SLC24A2: variants seen among roughly 807,000 people sequenced by gnomAD.
SLC24A2 encodes sodium/potassium/calcium exchanger 2.
In SLC24A2, 36 loss-of-function variants were observed where a neutral mutation model predicts 62.0. That is an observed-to-expected ratio of 0.58 (90% CI 0.44 to 0.77). The LOEUF (loss-of-function observed/expected upper bound fraction) is 0.77, where lower values mean the gene tolerates loss of function less well. Ranked by LOEUF, SLC24A2 falls within the 30% of genes least tolerant of loss-of-function variation. The pLI is 0.00. For synonymous variants in SLC24A2, 358 were observed against 294.0 expected (o/e 1.22, Z -2.23); for missense variants, 846 against 817.9 (o/e 1.03, Z -0.42).
the SLC24A2 span, among the ~76,000 whole-genome samples, chr9:20,042,289 G>A: frequency 6.6e-6 from 1 of 152,196 alleles, no homozygotes; most frequent in African/African-American, 2.4e-5. Flanking sequence ...TTCACTTAAA[G>A]ATACAGTCAC....
chr9:20,227,457 T>C, the SLC24A2 span, among the ~76,000 whole-genome samples: 15 of 148,544 alleles, frequency 1.0e-4, no homozygotes, highest in East Asian at 2.8e-3. Flanking sequence ...GAAGGTCTCA[T>C]GGAGAACTAA....
the SLC24A2 span, among the ~76,000 whole-genome samples, chr9:20,053,854 C>A: frequency 6.6e-6 from 1 of 152,176 alleles, no homozygotes; most frequent in African/African-American, 2.4e-5. Context: ...AATGGCTGCC[C>A]AAACATACCA....
the SLC24A2 span, among the ~76,000 whole-genome samples, chr9:20,289,513 T>C: frequency 6.6e-6 from 1 of 152,176 alleles, no homozygotes; most frequent in Non-Finnish European, 1.5e-5. Context: ...GATAAGTCAT[T>C]AACCTCTCTG....
the SLC24A2 span, among the ~76,000 whole-genome samples, chr9:20,097,631 C>T: frequency 2.6e-5 from 4 of 151,510 alleles, no homozygotes; most frequent in African/African-American, 7.3e-5. Context: ...TCTGATTCTC[C>T]CTTTAAGGTC....
chr9:19,699,475 T>G (rs1820293073), intron 2 of SLC24A2, among the ~76,000 whole-genome samples: 1 of 152,176 alleles, frequency 6.6e-6, no homozygotes, highest in Admixed American at 6.5e-5. Context: ...TGAATAATGT[T>G]TCACTAAATT....
chr9:19,806,252 C>T, the SLC24A2 span, among the ~76,000 whole-genome samples: 2 of 152,076 alleles, frequency 1.3e-5, no homozygotes, highest in African/African-American at 2.4e-5. Flanking sequence ...GATCAGGCAT[C>T]GGGAGCTTAG....
chr9:20,099,819 G>A, the SLC24A2 span, among the ~76,000 whole-genome samples: 1 of 152,074 alleles, frequency 6.6e-6, no homozygotes, highest in Middle Eastern at 3.4e-3. Flanking sequence ...CCTTGGTAAT[G>A]GTAGAATGTC....
the SLC24A2 span, among the ~76,000 whole-genome samples, chr9:19,864,076 A>G: frequency 6.6e-6 from 1 of 152,060 alleles, no homozygotes; most frequent in African/African-American, 2.4e-5. Context: ...AAACTGGAAA[A>G]TCTAGAAAAA....
At chr9:19,948,852 A>C in the SLC24A2 span, among the ~76,000 whole-genome samples, 1 of 149,870 alleles carries the variant, frequency 6.7e-6, no homozygotes, top group African/African-American at 2.4e-5. Flanking sequence ...CTCAAAAAAA[A>C]AAAAAAAAAA....
At position 19,632,390 on chromosome 9, in the gene SLC24A2, TAC is replaced by T. The variant is rs945276699; in HGVS notation, c.931-10093_931-10092del. ...TGTTTAATGAGCATCTTATATGTGC[TAC>T]ATTTTTCTAGGTGCAGGGATAAAAC... On this transcript the variant is annotated intron_variant, in intron 2 of 10. Transcript: ENST00000341998. The surrounding 1 kb of genome is among the most constrained non-coding windows in gnomAD (Gnocchi z 4.5). Among the ~76,000 whole-genome samples the T allele has an allele frequency of 2.0e-5, 3 of 152,222 alleles. No individual in the cohort carries two copies. Among genetic ancestry groups the T allele is most frequent in the Admixed American group, 2.0e-4 (3 of 15,286 alleles).
chr9:19,565,506 G>A (rs9695040), intron 7 of SLC24A2, among the ~76,000 whole-genome samples: 1 of 148,130 alleles, frequency 6.8e-6, no homozygotes, highest in Admixed American at 6.7e-5. Flanking sequence ...CTCATGGGTA[G>A]GAAGAATCAA....
chr9:20,258,449 G>A, the SLC24A2 span, among the ~76,000 whole-genome samples: 2 of 152,202 alleles, frequency 1.3e-5, no homozygotes, highest in Admixed American at 1.3e-4. Flanking sequence ...CCCTCAACAT[G>A]GGTGGGTGCC....
intron 2 of SLC24A2, among the ~76,000 whole-genome samples, chr9:19,767,055 C>T (rs996159503): frequency 6.6e-6 from 1 of 151,798 alleles, no homozygotes; most frequent in African/African-American, 2.4e-5. Flanking sequence ...TGGTGGGCTC[C>T]ACCCAGTTAG....
the SLC24A2 span, among the ~76,000 whole-genome samples, chr9:20,061,251 G>T: frequency 2.0e-5 from 3 of 151,628 alleles, no homozygotes; most frequent in East Asian, 5.8e-4. Flanking sequence ...CAGTGGAACA[G>T]AAGTCTAGAA....
At chr9:20,037,975 AG>A in the SLC24A2 span, among the ~76,000 whole-genome samples, 2 of 152,254 alleles carry the variant, frequency 1.3e-5, no homozygotes, top group African/African-American at 4.8e-5. Context: ...TCACTTCAAA[AG>A]TTTTGATCAA....
At chr9:19,919,502 C>T in the SLC24A2 span, among the ~76,000 whole-genome samples, 1 of 151,984 alleles carries the variant, frequency 6.6e-6, no homozygotes. Flanking sequence ...ATCTAGATAC[C>T]AACATATACT....
chr9:20,067,333 C>G, the SLC24A2 span, among the ~76,000 whole-genome samples: 1 of 152,144 alleles, frequency 6.6e-6, no homozygotes, highest in Non-Finnish European at 1.5e-5. Context: ...TAAAGTAAGG[C>G]CCTTAGGACG....
chr9:20,145,631 A>ACAC, the SLC24A2 span, among the ~76,000 whole-genome samples: 150,492 of 150,620 alleles, frequency 1, 75,183 homozygotes, highest in Middle Eastern at 1. Context: ...GCACGTGTGC[A>ACAC]ATTACACATA....
At chr9:20,274,363 G>C in the SLC24A2 span, among the ~76,000 whole-genome samples, 1 of 152,140 alleles carries the variant, frequency 6.6e-6, no homozygotes, top group Non-Finnish European at 1.5e-5. Flanking sequence ...ATTTTAGCTC[G>C]CATGAAGGAC....
Sources: gnomAD v4.1 joint callset for allele counts (sites outside exome capture counted in the v4.1 genomes callset) on GRCh38, gnomAD v4.1.1 for gene constraint, Gnocchi (gnomAD v3.1) non-coding constraint, MANE v1.5 for transcripts, NCBI Gene and HGNC (gene_info 2026-07-23, HGNC 2026-07-21) for gene names.